The following PKNOX2 variants were observed in gnomAD, a reference collection of about 807,000 sequenced individuals.
PKNOX2 encodes PBX/knotted 1 homeobox 2, also known as homeobox protein PKNOX2.
In PKNOX2, 14 loss-of-function variants were observed where a neutral mutation model predicts 53.1. The observed-to-expected ratio is 0.26, with a 90% CI of 0.17 to 0.41. The LOEUF (loss-of-function observed/expected upper bound fraction) is 0.41, where lower values mean the gene tolerates loss of function less well. Ranked by LOEUF, PKNOX2 falls within the 10% of genes least tolerant of loss-of-function variation. The pLI, the probability that PKNOX2 is intolerant of heterozygous loss-of-function variation, is 1.00. For missense variants in PKNOX2, 496 were observed against 602.8 expected (o/e 0.82, Z 1.85); for synonymous variants, 257 against 242.8 (o/e 1.06, Z -0.54).
intron 1 of PKNOX2, among the ~76,000 whole-genome samples, chr11:125,190,720 C>T (rs990720284): frequency 1.3e-5 from 2 of 152,158 alleles, no homozygotes; most frequent in Admixed American, 6.5e-5. Flanking sequence ...TCACTCTGGC[C>T]GTCACCACAG....
At chr11:125,228,239 T>G (rs892285767) in intron 1 of PKNOX2, among the ~76,000 whole-genome samples, 2 of 152,210 alleles carry the variant, frequency 1.3e-5, no homozygotes, top group Non-Finnish European at 2.9e-5. Context: ...GCACTTGAAA[T>G]GTGGTGAGTG....
intron 3 of PKNOX2, chr11:125,332,748 G>C (rs1256636090): frequency 6.6e-6 from 1 of 152,114 alleles, no homozygotes; most frequent in East Asian, 1.9e-4. Context: ...TCTCCATTTT[G>C]GCAGCAGAAA....
At chr11:125,229,041 C>T (rs146658864) in intron 1 of PKNOX2, among the ~76,000 whole-genome samples, 17 of 152,254 alleles carry the variant, frequency 1.1e-4, no homozygotes, top group East Asian at 7.7e-4. Flanking sequence ...AGCTCTTTCC[C>T]GACTAGGAGT....
At chr11:125,222,753 CTGTGTATG>C (rs1052509199) in intron 1 of PKNOX2, among the ~76,000 whole-genome samples, 42 of 131,204 alleles carry the variant, frequency 3.2e-4, no homozygotes, top group South Asian at 5.1e-4. Flanking sequence ...GTCTGTGTGC[CTGTGTATG>C]TGTGTATGTG....
intron 1 of PKNOX2, among the ~76,000 whole-genome samples, chr11:125,197,867 G>A (rs1050916884): frequency 3.9e-5 from 6 of 152,282 alleles, no homozygotes; most frequent in South Asian, 2.1e-4. Context: ...TCACACAGAC[G>A]TGCTGCCGTC....
chr11:125,362,405 G>C (rs550591924), intron 4 of PKNOX2, among the ~76,000 whole-genome samples: 9 of 152,128 alleles, frequency 5.9e-5, no homozygotes, highest in African/African-American at 1.7e-4. Flanking sequence ...ACAGGGTCTT[G>C]CTCTATCTCC....
intron 2 of PKNOX2, among the ~76,000 whole-genome samples, chr11:125,285,563 A>T (rs1395429475): frequency 6.6e-6 from 1 of 152,210 alleles, no homozygotes; most frequent in Non-Finnish European, 1.5e-5. Flanking sequence ...GGCTTAACTG[A>T]AAGCTGCATT....
At chr11:125,341,951 G>T (rs934350815) in intron 3 of PKNOX2, among the ~76,000 whole-genome samples, 1 of 152,216 alleles carries the variant, frequency 6.6e-6, no homozygotes, top group Non-Finnish European at 1.5e-5. Flanking sequence ...GACCAAGGGT[G>T]GGGCAGCCTG....
chr11:125,244,740 A>T (rs1943431003), intron 2 of PKNOX2, among the ~76,000 whole-genome samples: 1 of 152,248 alleles, frequency 6.6e-6, no homozygotes, highest in Non-Finnish European at 1.5e-5. Context: ...ATTCTGTGCC[A>T]TTTATTACAG....
intron 5 of PKNOX2, among the ~76,000 whole-genome samples, chr11:125,381,868 C>A (rs948806930): frequency 6.6e-6 from 1 of 152,204 alleles, no homozygotes; most frequent in Admixed American, 6.5e-5. Flanking sequence ...TGCGTGACTA[C>A]GTCTCATCAT....
At chr11:125,222,430 T>C (rs536143525) in intron 1 of PKNOX2, among the ~76,000 whole-genome samples, 1 of 152,278 alleles carries the variant, frequency 6.6e-6, no homozygotes, top group Admixed American at 6.5e-5. Flanking sequence ...GAACCCTGAA[T>C]GATTATAGCC....
chr11:125,295,878 C>T (rs926436693), intron 2 of PKNOX2, among the ~76,000 whole-genome samples: 3 of 152,150 alleles, frequency 2.0e-5, no homozygotes, highest in Admixed American at 1.3e-4. Flanking sequence ...AGCTCGCCCC[C>T]GTTCAATATG....
intron 2 of PKNOX2, among the ~76,000 whole-genome samples, chr11:125,246,076 C>G (rs568929498): frequency 6.6e-6 from 1 of 152,328 alleles, no homozygotes; most frequent in Admixed American, 6.5e-5. Flanking sequence ...GTCCAGGGAA[C>G]AGGAAGAATA....
intron 2 of PKNOX2, among the ~76,000 whole-genome samples, chr11:125,283,013 G>A (rs963858132): frequency 2.6e-5 from 4 of 152,200 alleles, no homozygotes; most frequent in Non-Finnish European, 4.4e-5. Flanking sequence ...TTAGCCAGGT[G>A]TGGTGGCATG....
intron 11 of PKNOX2, 76 bp from the exon 12 acceptor site, chr11:125,429,887 A>G: frequency 1.4e-6 from 2 of 1,467,396 alleles, no homozygotes; most frequent in South Asian, 2.7e-5. Context: ...GTCTGAAGGC[A>G]GCTTCACCCT....
chr11:125,385,522 G>T (rs200252274), intron 5 of PKNOX2, 29 bp from the exon 6 acceptor site: 2 of 1,585,220 alleles, frequency 1.3e-6, no homozygotes, highest in Non-Finnish European at 1.7e-6. Flanking sequence ...CTGTGTGTGC[G>T]CATGTGTGAG....
At chr11:125,255,512 T>C (rs906589273) in intron 2 of PKNOX2, among the ~76,000 whole-genome samples, 2 of 152,170 alleles carry the variant, frequency 1.3e-5, no homozygotes, top group Admixed American at 6.5e-5. Context: ...ATGGAGAGCT[T>C]GCCCCATGCC....
At chr11:125,411,053 T>A (rs1955479657) in intron 9 of PKNOX2, 177 bp downstream of exon 9, 1 of 591,400 alleles carries the variant, frequency 1.7e-6, no homozygotes, top group Non-Finnish European at 3.0e-6. Context: ...TTTTATCAAC[T>A]CCTGGGATTT....
intron 3 of PKNOX2, among the ~76,000 whole-genome samples, chr11:125,336,796 A>C (rs1449212833): frequency 1.4e-5 from 2 of 147,204 alleles, no homozygotes; most frequent in African/African-American, 4.9e-5. Context: ...TATACTATAT[A>C]ATATATGCAG....
Sources: allele counts gnomAD v4.1 joint callset (sites outside exome capture counted in the v4.1 genomes callset), GRCh38; gene constraint gnomAD v4.1.1; transcripts MANE v1.5; gene names NCBI Gene and HGNC (gene_info 2026-07-23, HGNC 2026-07-21).